The following RBMS3 variants were observed in gnomAD, a reference collection of about 807,000 sequenced individuals.
RBMS3 encodes the protein RNA-binding motif, single-stranded-interacting protein 3.
RBMS3 carries 27 observed loss-of-function variants against 66.8 expected under a neutral mutation model. The observed-to-expected ratio is 0.40, with a 90% CI of 0.30 to 0.56. The LOEUF is 0.56. RBMS3 is among the 20% of genes least tolerant of loss of function. The probability of loss-of-function intolerance (pLI) is 0.40; values close to 1 mark genes in which losing one functional copy is unlikely to be tolerated. For synonymous variants in RBMS3, 188 were observed against 183.0 expected (o/e 1.03, Z -0.22); for missense variants, 513 against 549.5 (o/e 0.93, Z 0.66).
At chr3:29,480,230 G>A (rs1487282688) in intron 2 of RBMS3, among the ~76,000 whole-genome samples, 1 of 152,158 alleles carries the variant, frequency 6.6e-6, no homozygotes, top group African/African-American at 2.4e-5. Flanking sequence ...TGTGGTCCTG[G>A]GATCAGCTCA....
At chr3:29,967,864 G>A (rs1462447898) in intron 12 of RBMS3, among the ~76,000 whole-genome samples, 2 of 151,898 alleles carry the variant, frequency 1.3e-5, no homozygotes, top group Non-Finnish European at 2.9e-5. Flanking sequence ...TTCTTTTCTT[G>A]GTTAATCTTA....
chr3:29,789,555 A>C (rs1240955783), intron 6 of RBMS3, among the ~76,000 whole-genome samples: 1 of 152,070 alleles, frequency 6.6e-6, no homozygotes, highest in African/African-American at 2.4e-5. Context: ...TTTTCCTGAA[A>C]TTTCAATTGT....
At position 29,997,776 on chromosome 3, in the gene RBMS3, A is replaced by G. The variant is rs1272578882; in HGVS notation, c.1308-6080A>G. ...TATCGATGGGACGTATTTCAAAATAATAAGAGCTATCTATGACAAACCCAC... is the reference window on the plus strand; with the variant it reads ...TATCGATGGGACGTATTTCAAAATAGTAAGAGCTATCTATGACAAACCCAC... On this transcript the variant is annotated intron_variant, in intron 14 of 14. Transcript: ENST00000383767. Among the ~76,000 whole-genome samples the G allele has an allele frequency of 2.6e-5, 4 of 152,134 alleles. No homozygotes were observed. The East Asian group carries it at 5.8e-4, about 22-fold the overall frequency.
chr3:29,337,300 T>C (rs1418378095), intron 1 of RBMS3, among the ~76,000 whole-genome samples: 1 of 152,110 alleles, frequency 6.6e-6, no homozygotes, highest in Admixed American at 6.6e-5. Flanking sequence ...TGTTACCATA[T>C]AGGTACTAAA....
At chr3:29,878,034 T>G (rs2059650961) in intron 7 of RBMS3, among the ~76,000 whole-genome samples, 1 of 152,058 alleles carries the variant, frequency 6.6e-6, no homozygotes. Flanking sequence ...GGGAGGGGGT[T>G]GGTTTCAGGG....
At chr3:29,649,615 G>A (rs932740734) in intron 4 of RBMS3, among the ~76,000 whole-genome samples, 7 of 152,060 alleles carry the variant, frequency 4.6e-5, no homozygotes, top group African/African-American at 1.7e-4. Context: ...GAACCTTCTA[G>A]GCAGCTGCAA....
intron 12 of RBMS3, among the ~76,000 whole-genome samples, chr3:29,961,927 T>C (rs923817380): frequency 2.0e-5 from 3 of 149,712 alleles, no homozygotes; most frequent in African/African-American, 7.4e-5. Context: ...TGTTAATTTT[T>C]CTTTATCAGT....
At chr3:29,546,153 T>TGTGTGTGTG (rs1559456811) in intron 3 of RBMS3, among the ~76,000 whole-genome samples, 1 of 144,896 alleles carries the variant, frequency 6.9e-6, no homozygotes, top group African/African-American at 2.6e-5. Flanking sequence ...TGTGTGTGTG[T>TGTGTGTGTG]TTCACATGAA....
In RBMS3 at chr3:29,853,423, C is replaced by CTTTTTTTTTTTTTTTTTTTTTTT. The variant is rs71091081; in HGVS notation, c.638-15413_638-15412insTTTTTTTTTTTTTTTTTTTTTTT. Among the ~76,000 whole-genome samples, 38 of 84,524 alleles carry CTTTTTTTTTTTTTTTTTTTTTTT rather than the reference C, an allele frequency of 4.5e-4. 9 individuals are homozygous for CTTTTTTTTTTTTTTTTTTTTTTT. Among genetic ancestry groups the CTTTTTTTTTTTTTTTTTTTTTTT allele is most frequent in the African/African-American group, 2.1e-3 (38 of 18,404 alleles). The allele number at this position is 84,524 out of a possible 152,430, so 55.5% of individuals were successfully genotyped here. A position where few individuals can be genotyped will look rare whatever the true frequency, so the allele number is the denominator to read the frequency against. ...TGTATCTTAAGCTACAATTTACTTTCTTTTTTTTTTTTTTTTTTTTTTGCA... is the reference window on the plus strand; with the variant it reads ...TGTATCTTAAGCTACAATTTACTTTCTTTTTTTTTTTTTTTTTTTTTTTTTTTTTTTTTTTTTTTTTTTTTGCA... On this transcript the variant is annotated intron_variant, in intron 6 of 14. Coordinates refer to ENST00000383767, the MANE Select transcript of RBMS3 (RefSeq NM_001003793.3).
At chr3:29,863,113 G>A (rs1363470677) in intron 6 of RBMS3, among the ~76,000 whole-genome samples, 1 of 150,934 alleles carries the variant, frequency 6.6e-6, no homozygotes. Context: ...TTTGACTCCT[G>A]AAATTTAAGG....
chr3:29,547,244 C>A (rs2045992113), intron 3 of RBMS3, among the ~76,000 whole-genome samples: 2 of 152,122 alleles, frequency 1.3e-5, no homozygotes, highest in Non-Finnish European at 2.9e-5. Flanking sequence ...GAATTATATA[C>A]CCCCTTTAAA....
At chr3:29,947,633 A>G (rs114322601) in intron 12 of RBMS3, among the ~76,000 whole-genome samples, 4 of 151,560 alleles carry the variant, frequency 2.6e-5, no homozygotes, top group African/African-American at 9.6e-5. Flanking sequence ...ACACCAAAGC[A>G]GGAATCTATT....
chr3:29,769,661 A>C (rs2056109660), intron 6 of RBMS3, among the ~76,000 whole-genome samples: 1 of 151,598 alleles, frequency 6.6e-6, no homozygotes, highest in African/African-American at 2.4e-5. Context: ...AAACCAGAGT[A>C]TTTTTCATTT....
chr3:30,004,301 CT>C lies in RBMS3; in HGVS notation c.*444del, dbSNP rs1453549810. ...TTCCTCAATAATTAAGCTACTTTCT[CT>C]TTTTCCCTTCTTGTTTTAATCTAGT... On this transcript the variant is annotated 3_prime_UTR_variant, in exon 15 of 15. Coordinates refer to ENST00000383767, the MANE Select transcript of RBMS3 (RefSeq NM_001003793.3). The C allele has an allele frequency of 6.6e-6, 1 of 151,764 alleles. No homozygotes were observed. Among genetic ancestry groups the C allele is most frequent in the Non-Finnish European group, 1.5e-5 (1 of 68,164 alleles). The allele number at this position is 151,764 out of a possible 1,614,324, so 9.4% of individuals were successfully genotyped here.
chr3:29,346,201 T>C (rs907667266), intron 1 of RBMS3, among the ~76,000 whole-genome samples: 4 of 152,152 alleles, frequency 2.6e-5, no homozygotes, highest in African/African-American at 4.8e-5. Flanking sequence ...CCAGAGAGAA[T>C]ACAAGTACCC....
chr3:29,535,710 C>CTTTTTTTGTTTTTTTTTT (rs2045528203), intron 3 of RBMS3, among the ~76,000 whole-genome samples: 1 of 39,732 alleles, frequency 2.5e-5, no homozygotes, highest in Non-Finnish European at 4.2e-5. Flanking sequence ...GATCATTGCT[C>CTTTTTTTGTTTTTTTTTT]TTTTTTTTTT....
chr3:29,962,066 T>C (rs1449400207), intron 12 of RBMS3, among the ~76,000 whole-genome samples: 5 of 144,414 alleles, frequency 3.5e-5, no homozygotes, highest in African/African-American at 1.3e-4. Context: ...ATATAATATA[T>C]TATTATATAT....
intron 6 of RBMS3, among the ~76,000 whole-genome samples, chr3:29,846,358 G>T (rs2058777371): frequency 6.6e-6 from 1 of 152,124 alleles, no homozygotes; most frequent in Non-Finnish European, 1.5e-5. Flanking sequence ...AGAGTTTAGA[G>T]CTGAAAGAGG....
rs1412654790 is a variant in RBMS3, at chr3:30,010,043, GTA to G, written c.*6182_*6183del. 1 of 151,276 alleles carries G rather than the reference GTA, an allele frequency of 6.6e-6. No individual in the cohort carries two copies. The highest frequency in any genetic ancestry group is 1.5e-5 in the Non-Finnish European group (1 of 67,890). 9.4% of individuals were successfully genotyped at this position (151,276 alleles called of 1,614,324 possible). A position where few individuals can be genotyped will look rare whatever the true frequency, so the allele number is the denominator to read the frequency against. Reference sequence around the variant, plus strand: ...ATCTTAATTTAAAAAAATATATGTAGTAGTATCTGCTATGAGATATTCAGTCT... The same window carrying G: ...ATCTTAATTTAAAAAAATATATGTAGGTATCTGCTATGAGATATTCAGTCT... On this transcript the variant is annotated 3_prime_UTR_variant, in exon 15 of 15. Transcript: ENST00000383767.
Sources: gnomAD v4.1 joint callset for allele counts (sites outside exome capture counted in the v4.1 genomes callset) on GRCh38, gnomAD v4.1.1 for gene constraint, MANE v1.5 for transcripts, NCBI Gene and HGNC (gene_info 2026-07-23, HGNC 2026-07-21) for gene names.